FGA: variants seen among roughly 807,000 people sequenced by gnomAD.
FGA encodes fibrinogen, A alpha polypeptide.
In FGA, 20 loss-of-function variants were observed where a neutral mutation model predicts 20.3. That is an observed-to-expected ratio of 0.99 (90% CI 0.69 to 1.43). The LOEUF (loss-of-function observed/expected upper bound fraction) is 1.43. Among genes scored for constraint, FGA ranks in the 40% most tolerant of loss-of-function variants. FGA has a pLI of 0.00. For synonymous variants in FGA, 306 were observed against 281.6 expected, an observed-to-expected ratio of 1.09 and a Z score of -0.87; for missense variants, 777 against 784.7, an observed-to-expected ratio of 0.99 and a Z score of 0.12.
In FGA at chr4:154,585,735, G is replaced by A. The variant is rs1260717623; in HGVS notation, c.1694C>T (p.Pro565Leu). ...ACGGGAAGGGAATTCAGCTATCCCA[G>A]GGTGATGAGAACTGGATTCCTTTGT... ...TNTKESSSHH[P>L]GIAEFPSRGK... Residue 565 changes from proline to leucine, a missense_variant, in exon 5 of 5, where the codon CCT (proline) becomes CTT (leucine). Transcript: ENST00000403106. 4 of 1,614,054 alleles carry A rather than the reference G, an allele frequency of 2.5e-6. No homozygotes were observed. The highest frequency in any genetic ancestry group is 4.5e-5 in the East Asian group (2 of 44,884).
downstream of FGA, chr4:154,584,102 C>CTCCCATTCCCACTTCGAAGACAGAGTGT: frequency 1.9e-6 from 3 of 1,566,706 alleles, no homozygotes; most frequent in Non-Finnish European, 2.6e-6. Flanking sequence ...AGACAGAGTG[C>CTCCCATTCCCACTTCGAAGACAGAGTGT]TCCCATTCCC....
In FGA at chr4:154,590,640, T is replaced by C. The variant is rs897653971; in HGVS notation, c.48A>G (p.Thr16=). The change falls in exon 1 of 5, where the codon ACA becomes ACG. Residue 16 remains threonine, a synonymous_variant. Coordinates refer to ENST00000403106, the MANE Select transcript of FGA (RefSeq NM_021871.4). ...IVCLVLSVVG[T]AWTADSGEGD... is the part of the protein sequence containing the mutation. The stretch of plus-strand genomic sequence containing the variant: ...AAAATGAAAAGGGCCATACCCATGC[T>C]GTGCCCACCACACTTAGGACCAGGC... 26 of 1,557,214 alleles carry C rather than the reference T, an allele frequency of 1.7e-5. No homozygotes were observed. The highest frequency in any genetic ancestry group is 2.3e-5 in the Non-Finnish European group (26 of 1,149,742).
Position 154,587,654 on chromosome 4 carries a change from C to T in FGA, c.368G>A (p.Arg123His), listed in dbSNP as rs745581691. 4.3e-6 allele frequency: 7 copies of T among 1,613,156 alleles called. No individual in the cohort carries two copies. Among genetic ancestry groups the T allele is most frequent in the Admixed American group, 1.7e-5 (1 of 59,918 alleles). ...TGACACTCGGTTGTAGGTATTATCA[C>T]GGTCTGAAATCGAAAATATGGTTAT... is the stretch of plus-strand genomic sequence containing the variant. ...LRGDFSSANN[R>H]DNTYNRVSED... The change falls in exon 4 of 5, where the codon CGT (arginine) becomes CAT (histidine). Residue 123 changes from arginine to histidine, a missense_variant. Arg to His is a conservative substitution (Grantham distance 29). Coordinates refer to ENST00000403106, the MANE Select transcript of FGA (RefSeq NM_021871.4).
rs772322188 is a variant in FGA at position 154,586,415 on chromosome 4, G to C, written c.1014C>G (p.Ser338Arg). The C allele has an allele frequency of 6.2e-7, 1 of 1,611,538 alleles. No homozygotes were observed. Among genetic ancestry groups the C allele is most frequent in the Non-Finnish European group, 8.5e-7 (1 of 1,178,622 alleles). ...PGSTGSWNSG[S>R]SGTGSTGNQN... ...GGTTTCCAGTACTTCCAGTTCCAGA[G>C]CTCCCAGAGTTCCAGCTTCCAGTAC... The change falls in exon 5 of 5, where the codon AGC (serine) becomes AGG (arginine). Residue 338 changes from serine to arginine, a missense_variant. Physicochemically the swap from Ser to Arg is moderately radical, Grantham distance 110. Transcript: ENST00000403106.
rs1553964332 is a variant in FGA at position 154,587,745 on chromosome 4, G to GAGAAAGAAACAA, written c.365-89_365-88insTTGTTTCTTTCT. ...AAAAGAAAGGAAGAAAGGAAGGAAG[G>GAGAAAGAAACAA]AGAAAGAAAGAAAGAAAGAAAGAAA... On this transcript the variant is annotated intron_variant, in intron 3 of 4. Coordinates refer to ENST00000403106, the MANE Select transcript of FGA (RefSeq NM_021871.4). The GAGAAAGAAACAA allele has an allele frequency of 1.6e-3, 827 of 524,222 alleles. 3 individuals are homozygous for GAGAAAGAAACAA. The highest frequency in any genetic ancestry group is 2.3e-3 in the Non-Finnish European group (691 of 302,068). The allele number at this position is 524,222 out of a possible 1,614,324, so 32.5% of individuals were successfully genotyped here.
At chr4:154,590,134 C>A (rs572014842) in intron 1 of FGA, among the ~76,000 whole-genome samples, 3 of 152,256 alleles carry the variant, frequency 2.0e-5, no homozygotes, top group South Asian at 4.2e-4. Context: ...AAGATATTTC[C>A]AAAGATAATT....
Position 154,586,344 on chromosome 4 carries a change from G to A in FGA, c.1085C>T (p.Pro362Leu). Residue 362 changes from proline to leucine, a missense_variant, in exon 5 of 5, where the codon CCT (proline) becomes CTT (leucine). Coordinates refer to ENST00000403106, the MANE Select transcript of FGA (RefSeq NM_021871.4). ...AGCACTTCCGCGTTCAGAGCTGCCAGGATTCCAGGTTCCGGTACTACCAGG... is the reference window on the plus strand; with the variant it reads ...AGCACTTCCGCGTTCAGAGCTGCCAAGATTCCAGGTTCCGGTACTACCAGG... Reference protein sequence around the residue: ...PRPGSTGTWNPGSSERGSAGH... With the variant: ...PRPGSTGTWNLGSSERGSAGH... 6.2e-7 allele frequency: 1 copy of A among 1,614,190 alleles called. No individual in the cohort carries two copies. The highest frequency in any genetic ancestry group is 8.5e-7 in the Non-Finnish European group (1 of 1,180,032).
chr4:154,583,182 A>G (rs1730629281), downstream of FGA: 1 of 152,192 alleles, frequency 6.6e-6, no homozygotes, highest in Non-Finnish European at 1.5e-5. Context: ...ATCTTAATAG[A>G]AAAGGATACA....
downstream of FGA, chr4:154,584,565 C>T: frequency 6.2e-7 from 1 of 1,614,122 alleles, no homozygotes; most frequent in Non-Finnish European, 8.5e-7. Context: ...GAACAGAGCC[C>T]CTTTGGGTTA....
In FGA at chr4:154,585,593, A is replaced by G; in HGVS notation, c.1836T>C (p.Asp612=). ...KMADEAGSEA[D]HEGTHSTKRG... ...TCTTGGTGCTATGTGTTCCTTCATG[A>G]TCGGCTTCACTTCCGGCCTCATCTG... Residue 612 remains aspartate (D), a synonymous_variant, in exon 5 of 5, where the codon GAT becomes GAC. Coordinates refer to ENST00000403106, the MANE Select transcript of FGA (RefSeq NM_021871.4). 2 of 1,614,194 alleles carry G rather than the reference A, an allele frequency of 1.2e-6. No homozygotes were observed. The highest frequency in any genetic ancestry group is 2.2e-5 in the East Asian group (1 of 44,886).
chr4:154,587,771 G>GAA, intron 3 of FGA, 114 bp from the exon 4 acceptor site: 2 of 659,076 alleles, frequency 3.0e-6, no homozygotes, highest in Non-Finnish European at 5.1e-6. Context: ...AAGAAAGAAA[G>GAA]AAAGAAAGAA....
intron 1 of FGA, 114 bp from the exon 2 acceptor site, chr4:154,589,676 A>G: frequency 8.4e-7 from 1 of 1,195,958 alleles, no homozygotes; most frequent in Non-Finnish European, 1.2e-6. Context: ...ACAGAGATTA[A>G]GGAGAGCAGA....
At chr4:154,587,013 C>G in intron 4 of FGA, 95 bp from the exon 5 acceptor site, 1 of 1,323,746 alleles carries the variant, frequency 7.6e-7, no homozygotes, top group Non-Finnish European at 1.1e-6. Context: ...CTTCTGGAAA[C>G]TGGTTTCATT....
At chr4:154,583,981 C>T, downstream of FGA, 1 of 653,300 alleles carries the variant, frequency 1.5e-6, no homozygotes, top group East Asian at 3.0e-5. Context: ...GTCTCAGGTA[C>T]ATTTAGCTAC....
At chr4:154,583,442 T>C (rs1730633932), downstream of FGA, 1 of 152,212 alleles carries the variant, frequency 6.6e-6, no homozygotes, top group African/African-American at 2.4e-5. Flanking sequence ...TTTTTAATAT[T>C]CATAAATAGT....
At chr4:154,587,091 G>T (rs1355475964) in intron 4 of FGA, among the ~76,000 whole-genome samples, 173 bp from the exon 5 acceptor site, 2 of 152,204 alleles carry the variant, frequency 1.3e-5, no homozygotes, top group Admixed American at 1.3e-4. Flanking sequence ...CTCAGTGGAA[G>T]AGATGTTGGG....
chr4:154,588,633 A>G (rs1730794160), intron 3 of FGA, among the ~76,000 whole-genome samples, 160 bp downstream of exon 3: 1 of 152,334 alleles, frequency 6.6e-6, no homozygotes, highest in Non-Finnish European at 1.5e-5. Flanking sequence ...AACGAAAACA[A>G]AAGCTCCCTC....
At position 154,590,699 on chromosome 4, in the gene FGA, G is replaced by A. The variant is rs1397660081; in HGVS notation, c.-12C>T. The A allele has an allele frequency of 3.9e-6, 6 of 1,552,918 alleles. No homozygotes were observed. The highest frequency in any genetic ancestry group is 2.4e-5 in the South Asian group (2 of 84,186). ...CTCATGGAAAACATCTTTTCTAAGG[G>A]TGGGGCTGGCTCCTGAGGAGCACTC... On this transcript the variant is annotated 5_prime_UTR_variant, in exon 1 of 5. Coordinates refer to ENST00000403106, the MANE Select transcript of FGA (RefSeq NM_021871.4).
intron 3 of FGA, among the ~76,000 whole-genome samples, chr4:154,588,223 G>A (rs149572690): frequency 0.011 from 1,639 of 152,294 alleles, 16 homozygotes; most frequent in Non-Finnish European, 0.018. Flanking sequence ...TCAAGTGTTT[G>A]TGAAGGTGTA....
Sources: gnomAD v4.1 joint callset for allele counts (sites outside exome capture counted in the v4.1 genomes callset) on GRCh38, gnomAD v4.1.1 for gene constraint, MANE v1.5 for transcripts, NCBI Gene and HGNC (gene_info 2026-07-23, HGNC 2026-07-21) for gene names.